TSHZ2: variants seen among roughly 807,000 people sequenced by gnomAD.
TSHZ2 encodes the protein teashirt zinc finger homeobox 2.
TSHZ2 carries 21 observed loss-of-function variants against 74.4 expected under a neutral mutation model. That is an observed-to-expected ratio of 0.28 (90% CI 0.20 to 0.41). The LOEUF is 0.41. Among genes scored for constraint, TSHZ2 ranks in the 10% least tolerant of loss-of-function variants. The probability of loss-of-function intolerance (pLI) is 1.00; values close to 1 mark genes in which losing one functional copy is unlikely to be tolerated. For missense variants in TSHZ2, 1,244 were observed against 1,293.5 expected, an observed-to-expected ratio of 0.96 and a Z score of 0.59; for synonymous variants, 540 against 515.3, an observed-to-expected ratio of 1.05 and a Z score of -0.65.
intron 2 of TSHZ2, among the ~76,000 whole-genome samples, chr20:53,446,183 T>C (rs1984534855): frequency 6.6e-6 from 1 of 152,152 alleles, no homozygotes; most frequent in African/African-American, 2.4e-5. Context: ...TCTGCCATTG[T>C]TATTACAACA....
intron 1 of TSHZ2, among the ~76,000 whole-genome samples, chr20:53,121,456 G>T (rs1986808803): frequency 6.6e-6 from 1 of 151,432 alleles, no homozygotes; most frequent in Non-Finnish European, 1.5e-5. Context: ...AACAATGATG[G>T]CAGGCAGTTG....
intron 1 of TSHZ2, among the ~76,000 whole-genome samples, chr20:53,083,913 CT>C (rs1985611984): frequency 6.6e-6 from 1 of 151,698 alleles, no homozygotes; most frequent in African/African-American, 2.4e-5. Context: ...TTTTTTACTT[CT>C]GTCTTTTAAC....
chr20:53,085,321 C>T (rs573655711), intron 1 of TSHZ2, among the ~76,000 whole-genome samples: 11 of 152,134 alleles, frequency 7.2e-5, no homozygotes, highest in Non-Finnish European at 1.2e-4. Context: ...GCCAAGATCG[C>T]GCCACTGAAC....
At chr20:53,339,158 T>C (rs1336346017) in intron 2 of TSHZ2, among the ~76,000 whole-genome samples, 1 of 152,208 alleles carries the variant, frequency 6.6e-6, no homozygotes, top group Admixed American at 6.5e-5. Flanking sequence ...CATTCTCTTA[T>C]TTTCTTCACC....
intron 1 of TSHZ2, among the ~76,000 whole-genome samples, chr20:53,092,548 A>T (rs1441839918): frequency 6.6e-6 from 1 of 152,268 alleles, no homozygotes; most frequent in Non-Finnish European, 1.5e-5. Context: ...ATTCCCTGGT[A>T]TGCTGCTCAT....
chr20:53,313,393 C>G (rs1286904981), intron 2 of TSHZ2, among the ~76,000 whole-genome samples: 1 of 152,212 alleles, frequency 6.6e-6, no homozygotes, highest in Non-Finnish European at 1.5e-5. Context: ...CTATCTGACT[C>G]AGGGTCATAG....
chr20:53,373,522 G>A (rs910478224), intron 2 of TSHZ2, among the ~76,000 whole-genome samples: 1 of 152,030 alleles, frequency 6.6e-6, no homozygotes, highest in Non-Finnish European at 1.5e-5. Context: ...TCTTCTTCTT[G>A]TGTTCTCAAT....
chr20:53,045,080 A>G (rs1417413627), intron 1 of TSHZ2, among the ~76,000 whole-genome samples: 14 of 152,180 alleles, frequency 9.2e-5, no homozygotes, highest in Non-Finnish European at 2.9e-5. Flanking sequence ...CCAAATCTCA[A>G]TAGCTTAAAA....
chr20:53,204,727 T>G, intron 1 of TSHZ2, among the ~76,000 whole-genome samples: 1 of 152,256 alleles, frequency 6.6e-6, no homozygotes, highest in South Asian at 2.1e-4. Context: ...AATAACTCTT[T>G]GAAGCTATAA....
At chr20:53,253,457 G>A in intron 1 of TSHZ2, 42 bp from the exon 2 acceptor site, 1 of 1,544,972 alleles carries the variant, frequency 6.5e-7, no homozygotes, top group Non-Finnish European at 8.7e-7. Context: ...ATGGAATATG[G>A]AGCCTGTTAC....
chr20:53,286,997 G>T (rs1046681100), intron 2 of TSHZ2, among the ~76,000 whole-genome samples: 5 of 151,882 alleles, frequency 3.3e-5, no homozygotes, highest in South Asian at 2.1e-4. Context: ...CCTCCCCGAG[G>T]TTCATCATCT....
At chr20:53,190,130 TATATATA>T in intron 1 of TSHZ2, among the ~76,000 whole-genome samples, 11 of 99,754 alleles carry the variant, frequency 1.1e-4, no homozygotes, top group African/African-American at 1.9e-4. Context: ...TATATATATA[TATATATA>T]TTTTCTTAAA....
intron 2 of TSHZ2, among the ~76,000 whole-genome samples, chr20:53,396,772 A>G (rs1982462847): frequency 1.3e-5 from 2 of 150,644 alleles, no homozygotes; most frequent in South Asian, 2.1e-4. Context: ...ACTTGAGCCT[A>G]GGAAGTTGAA....
chr20:53,492,079 A>AC lies in TSHZ2; in HGVS notation c.*4944_*4945insC, dbSNP rs908030146. 3.3e-5 allele frequency: 5 copies of AC among 151,828 alleles called. No homozygotes were observed. Among genetic ancestry groups the AC allele is most frequent in the African/African-American group, 1.2e-4 (5 of 41,364 alleles). The allele number at this position is 151,828 out of a possible 1,614,324, so 9.4% of individuals were successfully genotyped here. On this transcript the variant is annotated 3_prime_UTR_variant, in exon 3 of 3. Transcript: ENST00000371497. ...GAACAAAGGCATTACAAAAAAAAAA[A>AC]AAAAACTAACCACTCCATTCAACTC...
chr20:53,109,711 G>A (rs577074259), intron 1 of TSHZ2, among the ~76,000 whole-genome samples: 13 of 152,216 alleles, frequency 8.5e-5, no homozygotes, highest in Non-Finnish European at 1.5e-4. Flanking sequence ...TGCGGCTGCT[G>A]TTGTTTTCCT....
intron 1 of TSHZ2, among the ~76,000 whole-genome samples, chr20:53,175,093 T>TG (rs1308647144): frequency 2.0e-5 from 3 of 149,498 alleles, no homozygotes; most frequent in African/African-American, 4.9e-5. Flanking sequence ...TATAGCTCCC[T>TG]GGGCTTTTTC....
In TSHZ2 at chr20:53,254,199, G is replaced by C; in HGVS notation, c.741G>C (p.Lys247Asn). ...ACTATCAAGATGACAACCGCAAAAA[G>C]GACAAGCTCAGACCCACGAGCTATT... is the stretch of plus-strand genomic sequence containing the variant. ...TGHYQDDNRK[K>N]DKLRPTSYSK... The change falls in exon 2 of 3, where the codon AAG becomes AAC. Residue 247 changes from lysine (K) to asparagine (N), a missense_variant. Around this residue, in one of 6 missense-constraint regions of TSHZ2, gnomAD observed 470 missense variants for 456.5 expected, o/e 1.03. Coordinates refer to ENST00000371497, the MANE Select transcript of TSHZ2 (RefSeq NM_173485.6). 2 of 1,614,170 alleles carry C rather than the reference G, an allele frequency of 1.2e-6. No homozygotes were observed. The highest frequency in any genetic ancestry group is 1.7e-6 in the Non-Finnish European group (2 of 1,180,036).
intron 2 of TSHZ2, among the ~76,000 whole-genome samples, chr20:53,439,349 TA>T (rs199689860): frequency 5.9e-5 from 9 of 151,472 alleles, no homozygotes; most frequent in African/African-American, 9.7e-5. Context: ...AGCTCACTAT[TA>T]AAAAAAAAAT....
chr20:52,978,529 G>T (rs918832880), intron 1 of TSHZ2, among the ~76,000 whole-genome samples: 1 of 152,060 alleles, frequency 6.6e-6, no homozygotes, highest in Admixed American at 6.6e-5. Context: ...CACAGAAATT[G>T]CCGAACAAAT....
Sources: allele counts gnomAD v4.1 joint callset (sites outside exome capture counted in the v4.1 genomes callset), GRCh38; gene constraint gnomAD v4.1.1; regional missense constraint gnomAD v4.1.1; transcripts MANE v1.5; gene names NCBI Gene and HGNC (gene_info 2026-07-23, HGNC 2026-07-21).